Variants in TCF7L2 observed in about 807,000 individuals in gnomAD.
The protein encoded by TCF7L2 is transcription factor 7-like 2.
In TCF7L2, 23 loss-of-function variants were observed where a neutral mutation model predicts 77.9. The ratio of observed to expected loss-of-function variants is 0.30; its 90% CI spans 0.21 to 0.42. The LOEUF (loss-of-function observed/expected upper bound fraction) is 0.42, where lower values mean the gene tolerates loss of function less well. TCF7L2 is among the 10% of genes least tolerant of loss of function. TCF7L2 has a pLI of 1.00. For missense variants in TCF7L2, 654 were observed against 793.1 expected (o/e 0.82, Z 2.11); for synonymous variants, 413 against 340.2 (o/e 1.21, Z -2.36).
At chr10:113,031,529 C>T (rs961489111) in intron 4 of TCF7L2, among the ~76,000 whole-genome samples, 1 of 150,750 alleles carries the variant, frequency 6.6e-6, no homozygotes, top group African/African-American at 2.4e-5. Context: ...GCTCTGTTGC[C>T]CAAGCTGGAG....
intron 5 of TCF7L2, among the ~76,000 whole-genome samples, chr10:113,108,826 C>A (rs1195042549): frequency 2.0e-5 from 3 of 152,214 alleles, no homozygotes; most frequent in African/African-American, 7.2e-5. Flanking sequence ...ATCACTTCTT[C>A]CACTTTAGGA....
At chr10:113,101,691 A>C (rs2135903646) in intron 5 of TCF7L2, among the ~76,000 whole-genome samples, 1 of 151,412 alleles carries the variant, frequency 6.6e-6, no homozygotes, top group South Asian at 2.1e-4. Flanking sequence ...AAAATACAAA[A>C]AATTAGCTGG....
At chr10:113,134,707 C>T (rs1030633999) in intron 5 of TCF7L2, among the ~76,000 whole-genome samples, 3 of 152,160 alleles carry the variant, frequency 2.0e-5, no homozygotes, top group Non-Finnish European at 4.4e-5. Context: ...TGGAAAAATG[C>T]ATAGAGGTGG....
intron 5 of TCF7L2, among the ~76,000 whole-genome samples, chr10:113,082,343 A>AATT (rs61170584): frequency 0.83 from 125,042 of 151,540 alleles, 51,707 homozygotes; most frequent in African/African-American, 0.89. Flanking sequence ...ACTTGAAAAA[A>AATT]ATTATCTTTA....
intron 4 of TCF7L2, among the ~76,000 whole-genome samples, chr10:112,982,035 C>G (rs778022858): frequency 6.6e-6 from 1 of 152,234 alleles, no homozygotes; most frequent in Non-Finnish European, 1.5e-5. Context: ...TGTAATACGT[C>G]TGTGGACTAT....
chr10:113,052,181 G>A (rs966704684), intron 5 of TCF7L2, among the ~76,000 whole-genome samples: 1 of 152,210 alleles, frequency 6.6e-6, no homozygotes, highest in Admixed American at 6.5e-5. Flanking sequence ...AGGCTACAGT[G>A]TTGATCCAAG....
chr10:113,115,101 T>C (rs2063561774), intron 5 of TCF7L2, among the ~76,000 whole-genome samples: 2 of 152,204 alleles, frequency 1.3e-5, no homozygotes, highest in African/African-American at 4.8e-5. Context: ...ACAGATTAAA[T>C]GCAAAACTCA....
chr10:113,073,706 A>AG (rs1314255813), intron 5 of TCF7L2, among the ~76,000 whole-genome samples: 1 of 151,034 alleles, frequency 6.6e-6, no homozygotes, highest in Non-Finnish European at 1.5e-5. Flanking sequence ...AAAAAAAAAA[A>AG]CAAAGGTCAC....
intron 4 of TCF7L2, among the ~76,000 whole-genome samples, chr10:113,012,303 T>C (rs1323300033): frequency 6.6e-6 from 1 of 152,214 alleles, no homozygotes; most frequent in Non-Finnish European, 1.5e-5. Context: ...CCTGGCTGAA[T>C]TTTAATCAGG....
chr10:113,111,800 T>A (rs1743825), intron 5 of TCF7L2, among the ~76,000 whole-genome samples: 61,142 of 143,884 alleles, frequency 0.42, 13,712 homozygotes, highest in East Asian at 0.95. Context: ...TTTAAATAAA[T>A]AAAATAAATA....
At chr10:113,163,009 T>TAA (rs113088460) in intron 13 of TCF7L2, among the ~76,000 whole-genome samples, 104 of 132,062 alleles carry the variant, frequency 7.9e-4, no homozygotes, top group African/African-American at 2.7e-3. Flanking sequence ...AAAATGTACT[T>TAA]AAAAAAAAAA....
At chr10:113,092,059 G>A (rs572698288) in intron 5 of TCF7L2, among the ~76,000 whole-genome samples, 4 of 152,242 alleles carry the variant, frequency 2.6e-5, no homozygotes, top group Non-Finnish European at 5.9e-5. Flanking sequence ...TTTGGTTGGC[G>A]GCAGGAGGTA....
chr10:113,150,397 G>A (rs941445375), intron 8 of TCF7L2, among the ~76,000 whole-genome samples: 1 of 151,728 alleles, frequency 6.6e-6, no homozygotes, highest in African/African-American at 2.4e-5. Context: ...GAACCAAATA[G>A]GAACTATTTG....
chr10:113,010,643 G>C (rs1236695552), intron 4 of TCF7L2, among the ~76,000 whole-genome samples: 1 of 152,220 alleles, frequency 6.6e-6, no homozygotes, highest in Admixed American at 6.5e-5. Context: ...CAGGGGGACT[G>C]TGATTGCTCC....
chr10:113,152,101 C>T (rs139366279), intron 10 of TCF7L2, among the ~76,000 whole-genome samples: 96 of 152,224 alleles, frequency 6.3e-4, no homozygotes, highest in African/African-American at 2.2e-3. Flanking sequence ...CCTACCCGAG[C>T]GAGTGAGCAA....
chr10:113,039,882 T>C, intron 4 of TCF7L2, 143 bp from the exon 5 acceptor site: 2 of 694,164 alleles, frequency 2.9e-6, no homozygotes, highest in Non-Finnish European at 4.8e-6. Flanking sequence ...AATTGCATGC[T>C]TTTTTATTTT....
chr10:113,062,576 C>G (rs1308927219), intron 5 of TCF7L2, among the ~76,000 whole-genome samples: 1 of 152,062 alleles, frequency 6.6e-6, no homozygotes, highest in African/African-American at 2.4e-5. Flanking sequence ...CCCCTTCCCC[C>G]ACACACCACC....
At chr10:113,035,855 C>T (rs537398579) in intron 4 of TCF7L2, among the ~76,000 whole-genome samples, 11 of 152,168 alleles carry the variant, frequency 7.2e-5, no homozygotes, top group Non-Finnish European at 1.6e-4. Flanking sequence ...TGGCTGCTTT[C>T]GAGTTACAAT....
intron 3 of TCF7L2, among the ~76,000 whole-genome samples, chr10:112,953,637 G>A (rs2032662822): frequency 2.0e-5 from 3 of 152,154 alleles, no homozygotes; most frequent in African/African-American, 7.2e-5. Context: ...TAAACTCGCT[G>A]TCTGATACTG....
Sources: gnomAD v4.1 joint callset for allele counts (sites outside exome capture counted in the v4.1 genomes callset) on GRCh38, gnomAD v4.1.1 for gene constraint, MANE v1.5 for transcripts, NCBI Gene and HGNC (gene_info 2026-07-23, HGNC 2026-07-21) for gene names.